PCDH11X: variants seen among roughly 807,000 people sequenced by gnomAD.
The protein encoded by PCDH11X is protocadherin-11 X-linked.
Under a neutral mutation model 53.3 loss-of-function variants are expected in PCDH11X, and 18 were observed. The observed-to-expected ratio is 0.34, with a 90% CI of 0.23 to 0.50. PCDH11X has a LOEUF of 0.50. PCDH11X is among the 20% of genes least tolerant of loss of function. The pLI, the probability that PCDH11X is intolerant of heterozygous loss-of-function variation, is 0.98. For missense variants in PCDH11X, 570 were observed against 1,032.4 expected (o/e 0.55, Z 6.14); for synonymous variants, 279 against 393.3 (o/e 0.71, Z 3.44).
intron 6 of PCDH11X, among the ~76,000 whole-genome samples, chrX:92,031,542 C>G (rs978771169): frequency 9.0e-5 from 10 of 110,903 alleles, no homozygotes; most frequent in African/African-American, 3.3e-4. Context: ...GGGTATGACT[C>G]AAGAAATTTT....
At chrX:92,215,423 C>G (rs1165451651) in intron 7 of PCDH11X, among the ~76,000 whole-genome samples, 2 of 103,630 alleles carry the variant, frequency 1.9e-5, no homozygotes, top group African/African-American at 7.0e-5. Flanking sequence ...CTCGGAAGGT[C>G]CTATGCCCAC....
At chrX:91,792,062 C>T (rs932148413) in intron 1 of PCDH11X, among the ~76,000 whole-genome samples, 4 of 108,048 alleles carry the variant, frequency 3.7e-5, no homozygotes, top group South Asian at 4.1e-4. Context: ...GGGGTTTCAC[C>T]GTGTTCTCGA....
intron 7 of PCDH11X, among the ~76,000 whole-genome samples, chrX:92,256,136 T>C (rs998459090): frequency 1.1e-4 from 12 of 112,204 alleles, no homozygotes; most frequent in African/African-American, 3.9e-4. Flanking sequence ...AATCTTGTGG[T>C]GCACCGTTTT....
intron 6 of PCDH11X, among the ~76,000 whole-genome samples, chrX:91,945,048 C>CATATAT (rs754168068): frequency 0.027 from 1,687 of 63,181 alleles, 170 homozygotes; most frequent in African/African-American, 0.081. Context: ...ACATCATATA[C>CATATAT]ATATATATAT....
At chrX:92,354,614 C>A (rs1407202195) in intron 8 of PCDH11X, among the ~76,000 whole-genome samples, 11 of 111,682 alleles carry the variant, frequency 9.8e-5, no homozygotes, top group Non-Finnish European at 1.7e-4. Context: ...TTTTCTGGAG[C>A]TTTTCCTACT....
At chrX:92,000,022 T>TG (rs980022607) in intron 6 of PCDH11X, among the ~76,000 whole-genome samples, 27 of 111,432 alleles carry the variant, frequency 2.4e-4, no homozygotes, top group African/African-American at 7.8e-4. Flanking sequence ...TCACTATGTA[T>TG]GGGGGGTGTA....
At chrX:92,216,218 G>T (rs749022432) in intron 7 of PCDH11X, among the ~76,000 whole-genome samples, 1 of 110,848 alleles carries the variant, frequency 9.0e-6, no homozygotes, top group African/African-American at 3.3e-5. Flanking sequence ...TGACTTTGAC[G>T]AGCTGAGAGA....
chrX:92,610,227 A>G (rs1927229114), intron 10 of PCDH11X, among the ~76,000 whole-genome samples: 1 of 112,120 alleles, frequency 8.9e-6, no homozygotes, highest in African/African-American at 3.2e-5. Context: ...GTGTATAAAA[A>G]TTCTCTTTTC....
chrX:92,256,284 C>A lies in PCDH11X; in HGVS notation c.3115-6830C>A, dbSNP rs765325111. The stretch of plus-strand genomic sequence containing the variant: ...CTTGCACTTCCCGAGTGAGGCAATG[C>A]CTCACCCTGCTTCAGCTCGCGCACG... On this transcript the variant is annotated intron_variant, in intron 7 of 10. Transcript: ENST00000682573. Among the ~76,000 whole-genome samples the A allele has an allele frequency of 2.7e-5, 3 of 111,589 alleles. No individual in the cohort carries two copies. The East Asian group carries it at 8.6e-4, about 32-fold the overall frequency.
chrX:92,219,716 C>T (rs2148351720), intron 7 of PCDH11X, among the ~76,000 whole-genome samples: 1 of 93,778 alleles, frequency 1.1e-5, no homozygotes, highest in South Asian at 6.0e-4. Context: ...TCATATGGAA[C>T]CAAAAAAGAG....
rs1374972874 is a variant in PCDH11X at position 92,505,416 on chromosome X, A to G, written c.3367+37094A>G. On this transcript the variant is annotated intron_variant, in intron 10 of 10. Coordinates refer to ENST00000682573, the MANE Select transcript of PCDH11X (RefSeq NM_032968.5). ...GGGGTCCTGTTTCAATCTTCTGGAT[A>G]TGGCTATCCAATTATCTCAACACCT... is the stretch of plus-strand genomic sequence containing the variant. Among the ~76,000 whole-genome samples, 3 of 110,314 alleles carry G rather than the reference A, an allele frequency of 2.7e-5. No homozygotes were observed. The Admixed American group carries it at 2.9e-4, about 11-fold the overall frequency.
intron 8 of PCDH11X, among the ~76,000 whole-genome samples, chrX:92,299,171 G>C (rs1011825947): frequency 1.8e-5 from 2 of 111,305 alleles, no homozygotes; most frequent in Non-Finnish European, 3.8e-5. Flanking sequence ...TCCTAAACAG[G>C]TCCTGTTAAG....
Position 91,844,579 on chromosome X carries a change from C to T in PCDH11X, c.540+8535C>T, listed in dbSNP as rs188760027. ...TTATTTTCCTATCCCCTTTCTAAGA[C>T]AATCACGACTGTTTTTTTTTTCCAG... On this transcript the variant is annotated intron_variant, in intron 5 of 10. Coordinates refer to ENST00000682573, the MANE Select transcript of PCDH11X (RefSeq NM_032968.5). Among the ~76,000 whole-genome samples, 314 of 107,507 alleles carry T rather than the reference C, an allele frequency of 2.9e-3. 3 individuals are homozygous for T. Among genetic ancestry groups the T allele is most frequent in the African/African-American group, 9.9e-3 (289 of 29,059 alleles). 93.4% of individuals were successfully genotyped at this position (107,507 alleles called of 115,157 possible). A position where few individuals can be genotyped will look rare whatever the true frequency, so the allele number is the denominator to read the frequency against.
chrX:92,439,849 A>G (rs1193893415), intron 9 of PCDH11X, among the ~76,000 whole-genome samples: 1 of 100,958 alleles, frequency 9.9e-6, no homozygotes, highest in Admixed American at 1.1e-4. Flanking sequence ...AATCTTTGGA[A>G]GACTAAAGAT....
chrX:92,493,990 T>G (rs2073816051), intron 10 of PCDH11X, among the ~76,000 whole-genome samples: 1 of 109,607 alleles, frequency 9.1e-6, no homozygotes, highest in South Asian at 3.9e-4. Context: ...CAGGTTTTTT[T>G]TTTTTTAAGG....
chrX:92,381,231 A>G (rs1261913200), intron 8 of PCDH11X, among the ~76,000 whole-genome samples: 61 of 108,778 alleles, frequency 5.6e-4, no homozygotes, highest in Non-Finnish European at 7.6e-4. Context: ...TAGAACTTCA[A>G]TGTTTTTTAA....
intron 6 of PCDH11X, among the ~76,000 whole-genome samples, chrX:92,007,339 C>T (rs2062616538): frequency 8.9e-6 from 1 of 111,917 alleles, no homozygotes; most frequent in South Asian, 3.7e-4. Context: ...GTTCTTCCCA[C>T]TCTTCCCCCC....
chrX:91,994,964 T>A (rs1214381353), intron 6 of PCDH11X, among the ~76,000 whole-genome samples: 3 of 111,795 alleles, frequency 2.7e-5, no homozygotes, highest in Non-Finnish European at 5.6e-5. Context: ...AAATGACTAT[T>A]CAAGTCTTTT....
rs1453311750 is a variant in PCDH11X, at chrX:91,922,887, T to C, written c.3033+43614T>C. Among the ~76,000 whole-genome samples, 3 of 110,954 alleles carry C rather than the reference T, an allele frequency of 2.7e-5. No homozygotes were observed. The South Asian group carries it at 1.2e-3, about 43-fold the overall frequency. ...ATAACCAACCCTTGGCAAAAGCAATTGATGTAAGATATCTCTTGCTAACTT... is the reference window on the plus strand; with the variant it reads ...ATAACCAACCCTTGGCAAAAGCAATCGATGTAAGATATCTCTTGCTAACTT... On this transcript the variant is annotated intron_variant, in intron 6 of 10. Transcript: ENST00000682573.
Sources: gnomAD v4.1 joint callset for allele counts (sites outside exome capture counted in the v4.1 genomes callset) on GRCh38, gnomAD v4.1.1 for gene constraint, MANE v1.5 for transcripts, NCBI Gene and HGNC (gene_info 2026-07-23, HGNC 2026-07-21) for gene names.